ANKRD29: variants seen among roughly 807,000 people sequenced by gnomAD.
The protein encoded by ANKRD29 is ankyrin repeat domain-containing protein 29.
A neutral mutation model predicts 38.0 loss-of-function variants in ANKRD29; 32 were observed. That is an observed-to-expected ratio of 0.84 (90% CI 0.64 to 1.13). The LOEUF (loss-of-function observed/expected upper bound fraction) is 1.13, where lower values mean the gene tolerates loss of function less well. Ranked by LOEUF, ANKRD29 falls within the 50% of genes most tolerant of loss-of-function variation. The pLI, the probability that ANKRD29 is intolerant of heterozygous loss-of-function variation, is 0.00. For synonymous variants in ANKRD29, 135 were observed against 152.4 expected, an observed-to-expected ratio of 0.89 and a Z score of 0.84; for missense variants, 357 against 377.9, an observed-to-expected ratio of 0.94 and a Z score of 0.46.
chr18:23,617,742 C>T lies in ANKRD29; in HGVS notation c.713G>A (p.Gly238Asp), dbSNP rs1199752636. The change falls in exon 8 of 10, where the codon GGT becomes GAT. Residue 238 changes from glycine (G) to aspartate (D), a missense_variant. Gly to Asp is a moderately conservative substitution (Grantham distance 94, BLOSUM62 -1). Transcript: ENST00000592179. Reference sequence around the variant, plus strand: ...ATCTTTAGGTCTTACCTTCAAAATACCAAGAGTGGGTGAGAATTTAAGCAA... The same window carrying T: ...ATCTTTAGGTCTTACCTTCAAAATATCAAGAGTGGGTGAGAATTTAAGCAA... Reference protein sequence around the residue: ...KELLKFSPTLGILKNGTSALH... With the variant: ...KELLKFSPTLDILKNGTSALH... 7 of 1,613,374 alleles carry T rather than the reference C, an allele frequency of 4.3e-6. No individual in the cohort carries two copies. The highest frequency in any genetic ancestry group is 5.9e-6 in the Non-Finnish European group (7 of 1,179,476).
intron 1 of ANKRD29, among the ~76,000 whole-genome samples, chr18:23,653,173 T>C (rs908512632): frequency 1.6e-4 from 25 of 152,242 alleles, no homozygotes. Context: ...GTTTGCGCAA[T>C]GAAAGAATAA....
chr18:23,644,208 G>C (rs1265890144), intron 3 of ANKRD29, among the ~76,000 whole-genome samples: 1 of 152,196 alleles, frequency 6.6e-6, no homozygotes, highest in Non-Finnish European at 1.5e-5. Context: ...CCATAGACTG[G>C]CTAGAAATCA....
At position 23,632,531 on chromosome 18, in the gene ANKRD29, G is replaced by GTATATATATATATATATATATA. The variant is rs772817461; in HGVS notation, c.429+1519_429+1520insTATATATATATATATATATATA. 9.5e-4 allele frequency among the ~76,000 whole-genome samples: 121 copies of GTATATATATATATATATATATA among 126,890 alleles called. 1 individual carries two copies. Among genetic ancestry groups the GTATATATATATATATATATATA allele is most frequent in the African/African-American group, 3.6e-3 (110 of 30,186 alleles). The allele number at this position is 126,890 out of a possible 152,430, so 83.2% of individuals were successfully genotyped here. On this transcript the variant is annotated intron_variant, in intron 5 of 9. Coordinates refer to ENST00000592179, the MANE Select transcript of ANKRD29 (RefSeq NM_173505.4). ...TCCTATTCAGTGTGTGTGTGTGTGT[G>GTATATATATATATATATATATA]TGTATATATATATATATTACACACT... is the stretch of plus-strand genomic sequence containing the variant.
rs569485900 is a variant in ANKRD29 at position 23,643,996 on chromosome 18, C to T, written c.231+2193G>A. ...TGCCTTTGGCTTGGCAGCCCTCTTG[C>T]CCCAGACTGACACAGTCTCAGGAAA... On this transcript the variant is annotated intron_variant, in intron 3 of 9. Transcript: ENST00000592179. Among the ~76,000 whole-genome samples, 4 of 152,206 alleles carry T rather than the reference C, an allele frequency of 2.6e-5. No homozygotes were observed. The East Asian group carries it at 7.7e-4, about 29-fold the overall frequency.
chr18:23,662,745 G>A lies in ANKRD29; in HGVS notation c.-15C>T, dbSNP rs1174159076. 4.8e-6 allele frequency: 7 copies of A among 1,462,346 alleles called. No individual in the cohort carries two copies. Among genetic ancestry groups the A allele is most frequent in the Non-Finnish European group, 6.3e-6 (7 of 1,110,964 alleles). 90.6% of individuals were successfully genotyped at this position (1,462,346 alleles called of 1,614,324 possible). ...ATCCTGCACATGTCCGCGGCCGCCC[G>A]AGCGGGAGCCGGCGCGCTTTGGGCC... On this transcript the variant is annotated 5_prime_UTR_variant, in exon 1 of 10. Transcript: ENST00000592179.
intron 6 of ANKRD29, 54 bp downstream of exon 6, chr18:23,629,799 C>T: frequency 6.8e-7 from 1 of 1,480,502 alleles, no homozygotes. Context: ...GGACACCCAG[C>T]CCTCCCTGCC....
At chr18:23,649,997 G>C (rs1031424127) in intron 1 of ANKRD29, among the ~76,000 whole-genome samples, 1 of 152,184 alleles carries the variant, frequency 6.6e-6, no homozygotes, top group East Asian at 1.9e-4. Context: ...CAAAGTGCTG[G>C]GATTACAGGT....
chr18:23,641,238 C>A (rs2060071062), intron 3 of ANKRD29, among the ~76,000 whole-genome samples: 1 of 152,208 alleles, frequency 6.6e-6, no homozygotes, highest in African/African-American at 2.4e-5. Context: ...AGGTGGGAGC[C>A]CCATCCCCTA....
chr18:23,639,522 T>C (rs910923196), intron 3 of ANKRD29, among the ~76,000 whole-genome samples: 5 of 147,576 alleles, frequency 3.4e-5, no homozygotes, highest in African/African-American at 1.2e-4. Flanking sequence ...TGTATGATTT[T>C]ACTGTGATTT....
intron 3 of ANKRD29, among the ~76,000 whole-genome samples, chr18:23,642,467 C>T (rs1432357405): frequency 3.3e-5 from 5 of 152,176 alleles, no homozygotes; most frequent in Non-Finnish European, 7.4e-5. Context: ...CTGCCTGCCT[C>T]GCCACAGCTG....
intron 9 of ANKRD29, among the ~76,000 whole-genome samples, chr18:23,608,668 G>A (rs879727266): frequency 3.3e-5 from 5 of 152,158 alleles, no homozygotes; most frequent in Non-Finnish European, 2.9e-5. Context: ...TAACCTTTAA[G>A]CTGTGCTTGT....
intron 5 of ANKRD29, among the ~76,000 whole-genome samples, chr18:23,631,344 G>A (rs879065996): frequency 2.0e-5 from 3 of 151,490 alleles, no homozygotes; most frequent in Non-Finnish European, 4.4e-5. Context: ...CAGCTCAAGC[G>A]ATCCTCCCAC....
Position 23,638,844 on chromosome 18 carries a change from C to T in ANKRD29, c.330+5G>A, listed in dbSNP as rs780543544. The T allele has an allele frequency of 6.2e-7, 1 of 1,602,900 alleles. No individual in the cohort carries two copies. The highest frequency in any genetic ancestry group is 8.5e-7 in the Non-Finnish European group (1 of 1,175,458). ...CATAATACAAAATCAAGAAGGTTAT[C>T]TCACTTTGGTCCTAAATTCAGTGGA... On this transcript the variant is annotated splice_donor_5th_base_variant and intron_variant, in intron 4 of 9. Transcript: ENST00000592179.
intron 9 of ANKRD29, among the ~76,000 whole-genome samples, chr18:23,607,917 G>C (rs1017846452): frequency 1.7e-4 from 26 of 152,174 alleles, no homozygotes; most frequent in African/African-American, 5.8e-4. Context: ...CTGAGGAATG[G>C]CTATAGTGTG....
chr18:23,617,587 T>C (rs1015588137), intron 8 of ANKRD29, 145 bp downstream of exon 8: 1 of 494,614 alleles, frequency 2.0e-6, no homozygotes, highest in Admixed American at 3.2e-5. Context: ...CCCTGGGATC[T>C]CCAGCATCAA....
At chr18:23,655,777 T>C (rs777723297) in intron 1 of ANKRD29, among the ~76,000 whole-genome samples, 27 of 147,930 alleles carry the variant, frequency 1.8e-4, no homozygotes, top group Non-Finnish European at 3.6e-4. Context: ...AAAAAATAAT[T>C]CTCTGAGTTT....
chr18:23,611,181 C>G (rs902264689), intron 9 of ANKRD29, among the ~76,000 whole-genome samples: 1 of 152,192 alleles, frequency 6.6e-6, no homozygotes, highest in African/African-American at 2.4e-5. Flanking sequence ...TGTTTTGTAA[C>G]AGTGGCATGT....
Position 23,599,101 on chromosome 18 carries a change from T to G in ANKRD29, c.*2125A>C, listed in dbSNP as rs1209760429. The G allele has an allele frequency of 6.6e-6, 1 of 152,234 alleles. No individual in the cohort carries two copies. The highest frequency in any genetic ancestry group is 1.5e-5 in the Non-Finnish European group (1 of 68,040). 9.4% of individuals were successfully genotyped at this position (152,234 alleles called of 1,614,324 possible). On this transcript the variant is annotated 3_prime_UTR_variant, in exon 10 of 10. Coordinates refer to ENST00000592179, the MANE Select transcript of ANKRD29 (RefSeq NM_173505.4). ...AATTGTCAATTAGATTAACATAGAA[T>G]AATCATTTACATGTGTGCAAACTAA...
chr18:23,661,503 C>T (rs149352347), intron 1 of ANKRD29, among the ~76,000 whole-genome samples: 9 of 152,312 alleles, frequency 5.9e-5, no homozygotes, highest in Non-Finnish European at 1.2e-4. Context: ...GTCAGGAGTT[C>T]GAGACCAGCC....
Sources: gnomAD v4.1 joint callset for allele counts (sites outside exome capture counted in the v4.1 genomes callset) on GRCh38, gnomAD v4.1.1 for gene constraint, MANE v1.5 for transcripts, NCBI Gene and HGNC (gene_info 2026-07-23, HGNC 2026-07-21) for gene names.